The following ELMO2 variants were observed in gnomAD, a reference collection of about 807,000 sequenced individuals.
ELMO2 encodes the protein engulfment and cell motility protein 2.
In ELMO2, 37 loss-of-function variants were observed where a neutral mutation model predicts 96.2. The observed-to-expected ratio is 0.38, with a 90% CI of 0.30 to 0.51. ELMO2 has a LOEUF of 0.51. Among genes scored for constraint, ELMO2 ranks in the 20% least tolerant of loss-of-function variants. ELMO2 has a pLI of 0.88. For synonymous variants in ELMO2, 315 were observed against 329.4 expected, an observed-to-expected ratio of 0.96 and a Z score of 0.47; for missense variants, 561 against 912.6, an observed-to-expected ratio of 0.61 and a Z score of 4.96.
intron 21 of ELMO2, among the ~76,000 whole-genome samples, chr20:46,368,268 G>A (rs2059625285): frequency 6.6e-6 from 1 of 151,948 alleles, no homozygotes; most frequent in African/African-American, 2.4e-5. Context: ...GGCTCTCAGA[G>A]CTCACCAGGC....
In ELMO2 at chr20:46,374,345, C is replaced by T. The variant is rs745594497; in HGVS notation, c.1266G>A (p.Gln422=). The T allele has an allele frequency of 2.4e-5, 38 of 1,613,916 alleles. No homozygotes were observed. The highest frequency in any genetic ancestry group is 3.1e-5 in the Non-Finnish European group (37 of 1,179,966). ...ELTKMLCEIL[Q]VGELPNEGRN... is the part of the protein sequence containing the mutation. The stretch of plus-strand genomic sequence containing the variant: ...GCAGAGACTTACGTAGTTCCCCAAC[C>T]TGCAGGATTTCACAGAGCATTTTGG... Residue 422 remains glutamine (Q), a synonymous_variant, in exon 15 of 22, where the codon CAG becomes CAA. Transcript: ENST00000290246.
chr20:46,395,186 A>G (rs1320833872), intron 2 of ELMO2, among the ~76,000 whole-genome samples: 1 of 152,190 alleles, frequency 6.6e-6, no homozygotes, highest in Non-Finnish European at 1.5e-5. Flanking sequence ...ATATCCTCAC[A>G]CAAGGGCCCC....
Position 46,383,452 on chromosome 20 carries a change from A to G in ELMO2, c.720T>C (p.Asn240=), listed in dbSNP as rs1414502336. Residue 240 remains asparagine, a synonymous_variant, in exon 10 of 22, where the codon AAT becomes AAC. Coordinates refer to ENST00000290246, the MANE Select transcript of ELMO2 (RefSeq NM_133171.5). ...CCTCAGGAGCCTTCAGAAAAAGTGC[A>G]TTAATCAGTGCAATGGCGTAGGTCT... is the stretch of plus-strand genomic sequence containing the variant. ...EIQTYAIALI[N]ALFLKAPEDK... 1.2e-6 allele frequency: 2 copies of G among 1,614,204 alleles called. No homozygotes were observed. Among genetic ancestry groups the G allele is most frequent in the Admixed American group, 3.3e-5 (2 of 60,028 alleles).
In ELMO2 at chr20:46,386,134, G is replaced by A. The variant is rs2060037722; in HGVS notation, c.667C>T (p.His223Tyr). 2 of 1,614,082 alleles carry A rather than the reference G, an allele frequency of 1.2e-6. No homozygotes were observed. Among genetic ancestry groups the A allele is most frequent in the Non-Finnish European group, 1.7e-6 (2 of 1,179,946 alleles). Residue 223 changes from histidine to tyrosine, a missense_variant, in exon 9 of 22, where the codon CAC (histidine) becomes TAC (tyrosine). Transcript: ENST00000290246. ...GGGTTTTTTACTCACACCTGGAGGTGTGAGATGAGCTGTCCCACGGTGATT... is the reference window on the plus strand; with the variant it reads ...GGGTTTTTTACTCACACCTGGAGGTATGAGATGAGCTGTCCCACGGTGATT... Reference protein sequence around the residue: ...EEITVGQLISHLQVSNQEIQT... With the variant: ...EEITVGQLISYLQVSNQEIQT...
intron 1 of ELMO2, among the ~76,000 whole-genome samples, chr20:46,403,045 T>C (rs2060361467): frequency 6.6e-6 from 1 of 152,220 alleles, no homozygotes; most frequent in African/African-American, 2.4e-5. Context: ...CGTAAAGCTG[T>C]TGTGAGCATC....
chr20:46,369,712 G>C (rs1276179171), intron 20 of ELMO2: 1 of 157,428 alleles, frequency 6.4e-6, no homozygotes, highest in Admixed American at 6.5e-5. Flanking sequence ...AGTTAAACCT[G>C]AACTGGATCA....
intron 1 of ELMO2, among the ~76,000 whole-genome samples, chr20:46,401,893 T>C (rs1485177357): frequency 2.6e-5 from 4 of 152,228 alleles, no homozygotes; most frequent in African/African-American, 9.6e-5. Flanking sequence ...CTTCTGTACA[T>C]ACCTTCCTGA....
intron 2 of ELMO2, among the ~76,000 whole-genome samples, chr20:46,395,986 G>A (rs1204080603): frequency 2.0e-5 from 3 of 152,194 alleles, no homozygotes; most frequent in Non-Finnish European, 2.9e-5. Flanking sequence ...GACTGGCTTC[G>A]GCCAATGCTT....
chr20:46,399,809 C>T (rs2060306067), intron 1 of ELMO2, among the ~76,000 whole-genome samples: 1 of 152,180 alleles, frequency 6.6e-6, no homozygotes, highest in Non-Finnish European at 1.5e-5. Context: ...ACTGTGCAGG[C>T]TGTCTGGTGT....
chr20:46,404,506 G>C (rs565544086), intron 1 of ELMO2, among the ~76,000 whole-genome samples: 1 of 152,254 alleles, frequency 6.6e-6, no homozygotes, highest in African/African-American at 2.4e-5. Context: ...ACAAACTCTA[G>C]AATTATCCCC....
rs753215334 is a variant in ELMO2 at position 46,389,068 on chromosome 20, G to A, written c.396C>T (p.Leu132=). 11 of 1,613,994 alleles carry A rather than the reference G, an allele frequency of 6.8e-6. No individual in the cohort carries two copies. The highest frequency in any genetic ancestry group is 3.3e-5 in the Admixed American group (2 of 60,002). The change falls in exon 7 of 22, where the codon CTC becomes CTT. Residue 132 remains leucine (L), a synonymous_variant. Coordinates refer to ENST00000290246, the MANE Select transcript of ELMO2 (RefSeq NM_133171.5). Reference sequence around the variant, plus strand: ...ACAAGAGCTTGGTTCCACTTTCCACGAGCCTTGTCAGCACAATGATGCCAT... The same window carrying A: ...ACAAGAGCTTGGTTCCACTTTCCACAAGCCTTGTCAGCACAATGATGCCAT... ...NMDGIIVLTR[L]VESGTKLLSH...
intron 7 of ELMO2, 56 bp from the exon 8 acceptor site, chr20:46,387,493 AG>A (rs893562382): frequency 2.9e-5 from 41 of 1,426,586 alleles, no homozygotes; most frequent in Middle Eastern, 1.7e-4. Flanking sequence ...CGGGAAACAC[AG>A]GTGTGAGGGC....
rs1338387869 is a variant in ELMO2, at chr20:46,394,103, A to C, written c.79-14T>G. 6.2e-7 allele frequency: 1 copy of C among 1,609,720 alleles called. No homozygotes were observed. Among genetic ancestry groups the C allele is most frequent in the African/African-American group, 1.3e-5 (1 of 74,830 alleles). On this transcript the variant is annotated splice_polypyrimidine_tract_variant and intron_variant, in intron 3 of 21. Transcript: ENST00000290246. ...CAGGGGCCGTTTCTGAAAGAGAGAG[A>C]GAGAAAGCCTTCAACAGCAGCAACA...
intron 1 of ELMO2, among the ~76,000 whole-genome samples, chr20:46,403,678 A>G (rs1158507628): frequency 6.6e-6 from 1 of 152,212 alleles, no homozygotes; most frequent in African/African-American, 2.4e-5. Context: ...TGTCTTTCCA[A>G]GTATACCTGA....
At position 46,370,162 on chromosome 20, in the gene ELMO2, T is replaced by A. The variant is rs1389902895; in HGVS notation, c.1884+281A>T. ...GGTGGCAATGTTATACACTATACGA[T>A]GTACACTAAATATTTACAGATGAAA... is the stretch of plus-strand genomic sequence containing the variant. On this transcript the variant is annotated intron_variant, in intron 20 of 21. Coordinates refer to ENST00000290246, the MANE Select transcript of ELMO2 (RefSeq NM_133171.5). 1.1e-5 allele frequency: 6 copies of A among 568,648 alleles called. No individual in the cohort carries two copies. The East Asian group carries it at 2.3e-4, about 22-fold the overall frequency. 35.2% of individuals were successfully genotyped at this position (568,648 alleles called of 1,614,324 possible).
rs200185134 is a variant in ELMO2, at chr20:46,383,504, T to C, written c.678-10A>G. ...AATCTCCTGGTTGGAGCTGTGTCAA[T>C]GGAGAAAGAAGAGAGAGGGAGATTA... On this transcript the variant is annotated splice_polypyrimidine_tract_variant and intron_variant, in intron 9 of 21. Transcript: ENST00000290246. The C allele has an allele frequency of 6.2e-7, 1 of 1,612,816 alleles. No individual in the cohort carries two copies. Among genetic ancestry groups the C allele is most frequent in the South Asian group, 1.1e-5 (1 of 91,042 alleles).
chr20:46,387,626 T>G, intron 7 of ELMO2, 189 bp from the exon 8 acceptor site: 2 of 183,864 alleles, frequency 1.1e-5, no homozygotes, highest in East Asian at 7.6e-5. Flanking sequence ...CAGGTATCTA[T>G]CGCTGCAAAA....
At chr20:46,398,286 G>A (rs1234677693) in intron 2 of ELMO2, among the ~76,000 whole-genome samples, 1 of 152,010 alleles carries the variant, frequency 6.6e-6, no homozygotes, top group Admixed American at 6.6e-5. Context: ...TAGTAGTAAC[G>A]TACAGGTAGC....
At position 46,375,419 on chromosome 20, in the gene ELMO2, G is replaced by T; in HGVS notation, c.931-49C>A. ...GCAGGTGAATCGGCTAACCAAGGGA[G>T]CAAGGAAAAGAAACAGTGGGTCAGG... is the stretch of plus-strand genomic sequence containing the variant. On this transcript the variant is annotated intron_variant, in intron 12 of 21. Coordinates refer to ENST00000290246, the MANE Select transcript of ELMO2 (RefSeq NM_133171.5). This position sits in a 1 kb window ranked among gnomAD's most constrained non-coding sequence, Gnocchi z 4.6. The T allele has an allele frequency of 6.2e-7, 1 of 1,602,776 alleles. No individual in the cohort carries two copies.
Sources: gnomAD v4.1 joint callset for allele counts (sites outside exome capture counted in the v4.1 genomes callset) on GRCh38, gnomAD v4.1.1 for gene constraint, Gnocchi (gnomAD v3.1) non-coding constraint, MANE v1.5 for transcripts, NCBI Gene and HGNC (gene_info 2026-07-23, HGNC 2026-07-21) for gene names.